The following ZNF398 variants were observed in gnomAD, a reference collection of about 807,000 sequenced individuals.
The protein encoded by ZNF398 is zinc finger protein 398, also known as zinc finger DNA binding protein ZER6.
ZNF398 carries 18 observed loss-of-function variants against 41.9 expected under a neutral mutation model. The ratio of observed to expected loss-of-function variants is 0.43; its 90% CI spans 0.30 to 0.64. The LOEUF (loss-of-function observed/expected upper bound fraction) is 0.64, where lower values mean the gene tolerates loss of function less well. Among genes scored for constraint, ZNF398 ranks in the 30% least tolerant of loss-of-function variants. The pLI is 0.14. For synonymous variants in ZNF398, 260 were observed against 308.8 expected, an observed-to-expected ratio of 0.84 and a Z score of 1.66; for missense variants, 669 against 822.8, an observed-to-expected ratio of 0.81 and a Z score of 2.29.
chr7:149,160,408 G>T (rs538396242), intron 2 of ZNF398, among the ~76,000 whole-genome samples: 1 of 152,258 alleles, frequency 6.6e-6, no homozygotes, highest in African/African-American at 2.4e-5. Flanking sequence ...ATACTAGGAA[G>T]TGGGATTCTC....
intron 1 of ZNF398, among the ~76,000 whole-genome samples, chr7:149,149,940 C>T (rs1827070932): frequency 6.6e-6 from 1 of 152,118 alleles, no homozygotes; most frequent in South Asian, 2.1e-4. Context: ...TGCTCAGTGG[C>T]CACATGTAGG....
chr7:149,172,856 G>A (rs1340407654), intron 4 of ZNF398, among the ~76,000 whole-genome samples: 2 of 152,158 alleles, frequency 1.3e-5, no homozygotes, highest in Non-Finnish European at 2.9e-5. Flanking sequence ...TGTTTTCCCA[G>A]TGCATGTGAA....
chr7:149,138,952 A>C (rs1018539496), intron 2 of ZNF398, among the ~76,000 whole-genome samples: 3 of 139,960 alleles, frequency 2.1e-5, no homozygotes, highest in Non-Finnish European at 3.0e-5. Context: ...TTGTTCTGTC[A>C]CCAGGCTGGA....
chr7:149,168,630 G>T (rs568833035), intron 4 of ZNF398, among the ~76,000 whole-genome samples: 6 of 151,896 alleles, frequency 4.0e-5, no homozygotes, highest in African/African-American at 1.5e-4. Context: ...GTGCAGTGGC[G>T]TGATCCTGGC....
chr7:149,146,277 T>C (rs1171037373), upstream of ZNF398, among the ~76,000 whole-genome samples: 1 of 152,094 alleles, frequency 6.6e-6, no homozygotes, highest in African/African-American at 2.4e-5. Context: ...CAGCAAACCG[T>C]AACCCCAAGC....
At chr7:149,126,806 G>A (rs1826489245) in intron 1 of ZNF398, among the ~76,000 whole-genome samples, 1 of 152,180 alleles carries the variant, frequency 6.6e-6, no homozygotes, top group South Asian at 2.1e-4. Flanking sequence ...CGCCGGGGGC[G>A]CGGAGGCCGT....
chr7:149,133,113 G>A (rs1826631676), intron 2 of ZNF398, among the ~76,000 whole-genome samples: 1 of 151,208 alleles, frequency 6.6e-6, no homozygotes, highest in East Asian at 1.9e-4. Context: ...TGTTTTATCA[G>A]TAAGGCTTTT....
intron 4 of ZNF398, among the ~76,000 whole-genome samples, chr7:149,169,553 G>A (rs1795288596): frequency 6.6e-6 from 1 of 152,016 alleles, no homozygotes; most frequent in Non-Finnish European, 1.5e-5. Context: ...CTGGGCCCAA[G>A]CCATCCTCCC....
At chr7:149,128,442 C>A (rs546766841) in intron 1 of ZNF398, among the ~76,000 whole-genome samples, 1 of 152,128 alleles carries the variant, frequency 6.6e-6, no homozygotes, top group South Asian at 2.1e-4. Flanking sequence ...CTATTTAAAC[C>A]TTTAAAAGGT....
chr7:149,133,706 C>CAT (rs1275168685), intron 2 of ZNF398, among the ~76,000 whole-genome samples: 26 of 45,556 alleles, frequency 5.7e-4, no homozygotes, highest in South Asian at 8.8e-4. Context: ...TATATATATA[C>CAT]ACACATATAT....
At chr7:149,166,610 G>T (rs1052283310) in intron 3 of ZNF398, among the ~76,000 whole-genome samples, 1 of 152,100 alleles carries the variant, frequency 6.6e-6, no homozygotes, top group Non-Finnish European at 1.5e-5. Flanking sequence ...TAGCACATGT[G>T]CTTTCCCCAC....
intron 5 of ZNF398, among the ~76,000 whole-genome samples, chr7:149,177,274 G>A (rs1031607357): frequency 6.6e-6 from 1 of 152,062 alleles, no homozygotes; most frequent in Non-Finnish European, 1.5e-5. Flanking sequence ...TGGGGTGGAC[G>A]ACTTATATAA....
At chr7:149,160,345 G>C (rs889656650) in intron 2 of ZNF398, among the ~76,000 whole-genome samples, 2 of 152,112 alleles carry the variant, frequency 1.3e-5, no homozygotes, top group Non-Finnish European at 2.9e-5. Context: ...GCAGGAGAAT[G>C]GTGTGAACCT....
At chr7:149,154,437 A>G in intron 2 of ZNF398, 97 bp downstream of exon 2, 1 of 1,330,760 alleles carries the variant, frequency 7.5e-7, no homozygotes. Flanking sequence ...ATTTCCTTTT[A>G]AAGTTTCTTA....
At chr7:149,174,259 C>T (rs1315687714) in intron 4 of ZNF398, among the ~76,000 whole-genome samples, 3 of 152,154 alleles carry the variant, frequency 2.0e-5, no homozygotes, top group African/African-American at 7.2e-5. Flanking sequence ...CATATTCTTC[C>T]AATAGAAAGT....
At chr7:149,167,679 C>T (rs1208445677) in intron 4 of ZNF398, among the ~76,000 whole-genome samples, 8 of 137,490 alleles carry the variant, frequency 5.8e-5, no homozygotes, top group East Asian at 4.1e-4. Flanking sequence ...CATGCGATCT[C>T]GACTCACTGC....
intron 4 of ZNF398, among the ~76,000 whole-genome samples, chr7:149,168,854 C>G (rs1795276333): frequency 6.6e-6 from 1 of 152,116 alleles, no homozygotes; most frequent in Non-Finnish European, 1.5e-5. Flanking sequence ...CACGCCCGGC[C>G]ATATTATTTT....
intron 1 of ZNF398, among the ~76,000 whole-genome samples, chr7:149,127,665 C>T (rs567436860): frequency 2.0e-5 from 3 of 151,814 alleles, no homozygotes; most frequent in Non-Finnish European, 4.4e-5. Context: ...TGCAGTGAGC[C>T]GAGATCGCGC....
chr7:149,147,706 G>A lies in ZNF398; in HGVS notation c.-37G>A, dbSNP rs1455265136. 17 of 1,286,872 alleles carry A rather than the reference G, an allele frequency of 1.3e-5. No individual in the cohort carries two copies. The highest frequency in any genetic ancestry group is 1.7e-5 in the Non-Finnish European group (17 of 1,019,874). The allele number at this position is 1,286,872 out of a possible 1,614,324, so 79.7% of individuals were successfully genotyped here. A position where few individuals can be genotyped will look rare whatever the true frequency, so the allele number is the denominator to read the frequency against. On this transcript the variant is annotated 5_prime_UTR_variant, in exon 1 of 6. Transcript: ENST00000475153. This position sits in a 1 kb window ranked among gnomAD's most constrained non-coding sequence, Gnocchi z 5.6. ...GCGCGGTGGCAGCGGCGGCAGCGGC[G>A]GCGACTTCCGAGGCCCGGGCTAGAC...
Sources: gnomAD v4.1 joint callset for allele counts (sites outside exome capture counted in the v4.1 genomes callset) on GRCh38, gnomAD v4.1.1 for gene constraint, Gnocchi (gnomAD v3.1) non-coding constraint, MANE v1.5 for transcripts, NCBI Gene and HGNC (gene_info 2026-07-23, HGNC 2026-07-21) for gene names.